The following DTWD1 variants were observed in gnomAD, a reference collection of about 807,000 sequenced individuals.
DTWD1 encodes the protein tRNA-uridine aminocarboxypropyltransferase 1.
A neutral mutation model predicts 30.2 loss-of-function variants in DTWD1; 27 were observed. The ratio of observed to expected loss-of-function variants is 0.90; its 90% CI spans 0.66 to 1.23. The LOEUF (loss-of-function observed/expected upper bound fraction) is 1.23. Ranked by LOEUF, DTWD1 falls within the 50% of genes most tolerant of loss-of-function variation. The pLI, the probability that DTWD1 is intolerant of heterozygous loss-of-function variation, is 0.00. For missense variants in DTWD1, 342 were observed against 348.8 expected (o/e 0.98, Z 0.15); for synonymous variants, 99 against 113.1 (o/e 0.88, Z 0.79).
chr15:49,634,498 A>G (rs1468080618), intron 3 of DTWD1, 38 bp from the exon 4 acceptor site: 1 of 1,535,892 alleles, frequency 6.5e-7, no homozygotes, highest in Non-Finnish European at 8.7e-7. Context: ...TTTGAAGATC[A>G]TAGTAGCACA....
At chr15:49,632,074 C>T (rs1375995491) in intron 2 of DTWD1, 85 bp from the exon 3 acceptor site, 2 of 1,143,578 alleles carry the variant, frequency 1.7e-6, no homozygotes, top group Admixed American at 5.4e-5. Flanking sequence ...TTGTGAGCTT[C>T]CTATTTAGCT....
Position 49,643,182 on chromosome 15 carries a change from T to C in DTWD1, c.668-149T>C, listed in dbSNP as rs548947786. The C allele has an allele frequency of 3.5e-6, 3 of 851,128 alleles. No individual in the cohort carries two copies. In the African/African-American group the frequency reaches 5.3e-5, roughly 15 times the overall value. The allele number at this position is 851,128 out of a possible 1,614,324, so 52.7% of individuals were successfully genotyped here. A position where few individuals can be genotyped will look rare whatever the true frequency, so the allele number is the denominator to read the frequency against. ...TTTAAGAAAATATCTTGTTTCAAAC[T>C]GGGATTGAAGGAAGTTATCTGCAGT... On this transcript the variant is annotated intron_variant, in intron 4 of 4. Transcript: ENST00000403028.
Position 49,643,603 on chromosome 15 carries a change from T to C in DTWD1, c.*25T>C. The C allele has an allele frequency of 6.4e-7, 1 of 1,550,424 alleles. No homozygotes were observed. The highest frequency in any genetic ancestry group is 1.2e-5 in the South Asian group (1 of 80,016). ...GTTTTTAACAAGCCACTTATGTCTT[T>C]TTATTTTGCTAACATTAATAAACTT... On this transcript the variant is annotated 3_prime_UTR_variant, in exon 5 of 5. Transcript: ENST00000403028.
At chr15:49,630,196 G>T (rs2078901061) in intron 2 of DTWD1, among the ~76,000 whole-genome samples, 1 of 152,212 alleles carries the variant, frequency 6.6e-6, no homozygotes, top group Non-Finnish European at 1.5e-5. Context: ...GGTGAGAGGA[G>T]AAGGAAGAAG....
In DTWD1 at chr15:49,624,661, C is replaced by CAA. The variant is rs571955644; in HGVS notation, c.-55-451_-55-450insAA. Among the ~76,000 whole-genome samples, 204 of 152,198 alleles carry CAA rather than the reference C, an allele frequency of 1.3e-3. 2 individuals carry two copies. The highest frequency in any genetic ancestry group is 3.9e-3 in the Admixed American group (60 of 15,282). ...ATGTATATGCACACATGTACACAGA[C>CAA]ACACTCACACATATGTAGTGTGTGT... On this transcript the variant is annotated intron_variant, in intron 1 of 4. Coordinates refer to ENST00000403028, the MANE Select transcript of DTWD1 (RefSeq NM_001144955.2).
At chr15:49,633,037 T>TTATATCTATATATATC (rs1196656731) in intron 3 of DTWD1, among the ~76,000 whole-genome samples, 4 of 76,698 alleles carry the variant, frequency 5.2e-5, no homozygotes, top group Non-Finnish European at 1.6e-4. Flanking sequence ...ACTTTCCTAT[T>TTATATCTATATATATC]TATATCTATA....
In DTWD1 at chr15:49,654,358, C is replaced by T. The variant is rs577863974; in HGVS notation, c.*10780C>T. On this transcript the variant is annotated 3_prime_UTR_variant, in exon 5 of 5. Transcript: ENST00000403028. ...ACAATTCCTTCCCTTCCTTGGACTCCTCTCTTCAGAGGGTAGAGTCCATTT... is the reference window on the plus strand; with the variant it reads ...ACAATTCCTTCCCTTCCTTGGACTCTTCTCTTCAGAGGGTAGAGTCCATTT... 4.6e-5 allele frequency: 7 copies of T among 152,144 alleles called. No individual in the cohort carries two copies. The highest frequency in any genetic ancestry group is 1.9e-4 in the East Asian group (1 of 5,140). 9.4% of individuals were successfully genotyped at this position (152,144 alleles called of 1,614,324 possible).
chr15:49,626,480 G>A (rs2153351421), intron 2 of DTWD1, among the ~76,000 whole-genome samples: 1 of 152,186 alleles, frequency 6.6e-6, no homozygotes, highest in South Asian at 2.1e-4. Flanking sequence ...AGAACGTCAT[G>A]TCTACATAAT....
At chr15:49,622,552 T>A (rs2078763479) in intron 1 of DTWD1, among the ~76,000 whole-genome samples, 1 of 152,222 alleles carries the variant, frequency 6.6e-6, no homozygotes, top group Non-Finnish European at 1.5e-5. Flanking sequence ...GTTAGTTCCT[T>A]AGGAACAGTC....
chr15:49,642,565 T>G (rs1464325549), intron 4 of DTWD1, among the ~76,000 whole-genome samples: 1 of 152,076 alleles, frequency 6.6e-6, no homozygotes, highest in Non-Finnish European at 1.5e-5. Flanking sequence ...CTTTTACCAG[T>G]ATTAAGGAAC....
chr15:49,648,298 AATT>A lies in DTWD1; in HGVS notation c.*4727_*4729del, dbSNP rs1196278967. On this transcript the variant is annotated 3_prime_UTR_variant, in exon 5 of 5. Transcript: ENST00000403028. ...AGATGAGCCAAAGCGCTTCTCCCCA[AATT>A]ATTATTTATTCATTTTTGAGACAGA... 1.3e-5 allele frequency: 2 copies of A among 151,964 alleles called. No homozygotes were observed. Among genetic ancestry groups the A allele is most frequent in the African/African-American group, 4.8e-5 (2 of 41,392 alleles). The allele number at this position is 151,964 out of a possible 1,614,324, so 9.4% of individuals were successfully genotyped here. A position where few individuals can be genotyped will look rare whatever the true frequency, so the allele number is the denominator to read the frequency against.
In DTWD1 at chr15:49,647,819, C is replaced by A. The variant is rs150381742; in HGVS notation, c.*4241C>A. On this transcript the variant is annotated 3_prime_UTR_variant, in exon 5 of 5. Transcript: ENST00000403028. The stretch of plus-strand genomic sequence containing the variant: ...ATAATGGCAACAAAAAAAAAACTGT[C>A]TTCAAAATAAGAGTATATTATATTC... 1 of 151,490 alleles carries A rather than the reference C, an allele frequency of 6.6e-6. No individual in the cohort carries two copies. The highest frequency in any genetic ancestry group is 1.5e-5 in the Non-Finnish European group (1 of 67,834). The allele number at this position is 151,490 out of a possible 1,614,324, so 9.4% of individuals were successfully genotyped here.
intron 2 of DTWD1, among the ~76,000 whole-genome samples, chr15:49,627,806 C>T (rs1243275456): frequency 6.6e-6 from 1 of 152,060 alleles, no homozygotes; most frequent in African/African-American, 2.4e-5. Context: ...CTTGGTGAGT[C>T]AGTGGTGACT....
chr15:49,633,049 C>CTATATATATCTA lies in DTWD1; in HGVS notation c.408+756_408+757insCTATATATATAT, dbSNP rs2078948251. On this transcript the variant is annotated intron_variant, in intron 3 of 4. Coordinates refer to ENST00000403028, the MANE Select transcript of DTWD1 (RefSeq NM_001144955.2). ...TTTACTTTCCTATTTATATCTATAT[C>CTATATATATCTA]TATATATATATATATATATATGTAT... 4.2e-4 allele frequency among the ~76,000 whole-genome samples: 49 copies of CTATATATATCTA among 117,342 alleles called. 1 individual carries two copies. The highest frequency in any genetic ancestry group is 4.3e-3 in the Middle Eastern group (1 of 230). 77.0% of individuals were successfully genotyped at this position (117,342 alleles called of 152,430 possible). A position where few individuals can be genotyped will look rare whatever the true frequency, so the allele number is the denominator to read the frequency against.
At position 49,636,574 on chromosome 15, in the gene DTWD1, T is replaced by A. The variant is rs111254066; in HGVS notation, c.667+1780T>A. ...TGTTTTTATTTTTCATGACTTAGAC[T>A]TTTGTGAAGAGGACAGGTCAATTGT... is the stretch of plus-strand genomic sequence containing the variant. On this transcript the variant is annotated intron_variant, in intron 4 of 4. Coordinates refer to ENST00000403028, the MANE Select transcript of DTWD1 (RefSeq NM_001144955.2). 7.3e-3 allele frequency among the ~76,000 whole-genome samples: 1,113 copies of A among 152,304 alleles called. 6 individuals are homozygous for A. Among genetic ancestry groups the A allele is most frequent in the Non-Finnish European group, 0.011 (768 of 68,006 alleles).
chr15:49,652,845 T>A lies in DTWD1; in HGVS notation c.*9267T>A, dbSNP rs763345652. On this transcript the variant is annotated 3_prime_UTR_variant, in exon 5 of 5. Coordinates refer to ENST00000403028, the MANE Select transcript of DTWD1 (RefSeq NM_001144955.2). Reference sequence around the variant, plus strand: ...GACCTCCCAGTTGCAAGGAATGAGGTCAGCAGCCTCCAACTGTCAGCTCCT... The same window carrying A: ...GACCTCCCAGTTGCAAGGAATGAGGACAGCAGCCTCCAACTGTCAGCTCCT... 6.6e-6 allele frequency: 1 copy of A among 152,140 alleles called. No homozygotes were observed. Among genetic ancestry groups the A allele is most frequent in the South Asian group, 2.1e-4 (1 of 4,828 alleles). 9.4% of individuals were successfully genotyped at this position (152,140 alleles called of 1,614,324 possible).
chr15:49,626,720 A>C (rs1441049914), intron 2 of DTWD1: 1 of 435,182 alleles, frequency 2.3e-6, no homozygotes, highest in South Asian at 1.6e-5. Flanking sequence ...GTACTTTGAC[A>C]CTCATATTTT....
At chr15:49,636,764 A>T (rs2079008124) in intron 4 of DTWD1, among the ~76,000 whole-genome samples, 2 of 152,190 alleles carry the variant, frequency 1.3e-5, no homozygotes, top group South Asian at 4.1e-4. Flanking sequence ...TAGCTGATAA[A>T]TTGTATGGCT....
At chr15:49,639,329 G>A (rs148030363) in intron 4 of DTWD1, among the ~76,000 whole-genome samples, 5 of 152,294 alleles carry the variant, frequency 3.3e-5, no homozygotes, top group African/African-American at 1.2e-4. Flanking sequence ...GGGAGATGAA[G>A]GTGGGAGTAT....
Sources: gnomAD v4.1 joint callset for allele counts (sites outside exome capture counted in the v4.1 genomes callset) on GRCh38, gnomAD v4.1.1 for gene constraint, MANE v1.5 for transcripts, NCBI Gene and HGNC (gene_info 2026-07-23, HGNC 2026-07-21) for gene names.